LCLAT1: variants seen among roughly 807,000 people sequenced by gnomAD.
LCLAT1 encodes the protein 1-AGP acyltransferase 8.
In LCLAT1, 11 loss-of-function variants were observed where a neutral mutation model predicts 30.7. That is an observed-to-expected ratio of 0.36 (90% CI 0.23 to 0.59). The LOEUF (loss-of-function observed/expected upper bound fraction) is 0.59. Among genes scored for constraint, LCLAT1 ranks in the 20% least tolerant of loss-of-function variants. The pLI, the probability that LCLAT1 is intolerant of heterozygous loss-of-function variation, is 0.77. For synonymous variants in LCLAT1, 155 were observed against 151.3 expected (o/e 1.02, Z -0.18); for missense variants, 402 against 458.6 (o/e 0.88, Z 1.13).
chr2:30,581,186 C>T (rs910449133), intron 5 of LCLAT1, among the ~76,000 whole-genome samples: 1 of 152,174 alleles, frequency 6.6e-6, no homozygotes, highest in Admixed American at 6.5e-5. Context: ...TGGGCTCTTG[C>T]CTCTACTTAA....
At chr2:30,447,898 G>A (rs1045855249) in intron 1 of LCLAT1, among the ~76,000 whole-genome samples, 11 of 152,230 alleles carry the variant, frequency 7.2e-5, no homozygotes, top group African/African-American at 2.2e-4. Flanking sequence ...AGTCCTGCAG[G>A]CGCCAAAGGC....
At chr2:30,470,902 T>G (rs537801917) in intron 1 of LCLAT1, among the ~76,000 whole-genome samples, 1 of 151,448 alleles carries the variant, frequency 6.6e-6, no homozygotes, top group South Asian at 2.1e-4. Context: ...TTCATTTTAT[T>G]TATTTATTCA....
At position 30,533,266 on chromosome 2, in the gene LCLAT1, T is replaced by C. The variant is rs1478028945; in HGVS notation, c.316T>C (p.Leu106=). The change falls in exon 3 of 6, where the codon TTG becomes CTG. Residue 106 remains leucine, a synonymous_variant. Coordinates refer to ENST00000379509, the MANE Select transcript of LCLAT1 (RefSeq NM_001002257.3). Reference sequence around the variant, plus strand: ...CCTGATGCGATATAGCTACCTCAGATTGGAGAAAATTTGCCTCAAAGCGAG... The same window carrying C: ...CCTGATGCGATATAGCTACCTCAGACTGGAGAAAATTTGCCTCAAAGCGAG... ...NCLMRYSYLR[L]EKICLKASLK... is the part of the protein sequence containing the mutation. 1 of 1,614,130 alleles carries C rather than the reference T, an allele frequency of 6.2e-7. No individual in the cohort carries two copies.
chr2:30,453,573 C>G (rs909121250), intron 1 of LCLAT1, among the ~76,000 whole-genome samples: 2 of 152,098 alleles, frequency 1.3e-5, no homozygotes, highest in African/African-American at 2.4e-5. Context: ...TGACTAAACT[C>G]GATCATTTTT....
intron 5 of LCLAT1, among the ~76,000 whole-genome samples, chr2:30,594,376 CT>C (rs1558542031): frequency 6.6e-6 from 1 of 152,196 alleles, no homozygotes; most frequent in East Asian, 1.9e-4. Context: ...CACCTAGAGT[CT>C]CCTCCAAGCA....
intron 1 of LCLAT1, among the ~76,000 whole-genome samples, chr2:30,490,196 C>A (rs1400963489): frequency 1.4e-5 from 2 of 144,350 alleles, no homozygotes; most frequent in Admixed American, 1.4e-4. Flanking sequence ...AGGGGCTACT[C>A]TGATTTTTTT....
chr2:30,608,544 A>G (rs1667578024), intron 5 of LCLAT1, among the ~76,000 whole-genome samples: 1 of 151,934 alleles, frequency 6.6e-6, no homozygotes, highest in Non-Finnish European at 1.5e-5. Flanking sequence ...GTAGAGGTAT[A>G]CTATTTTTTA....
intron 1 of LCLAT1, among the ~76,000 whole-genome samples, chr2:30,507,616 T>A (rs1684733282): frequency 6.6e-6 from 1 of 151,810 alleles, no homozygotes; most frequent in Non-Finnish European, 1.5e-5. Context: ...TCCAGCTCCA[T>A]CCATGTTCCT....
At position 30,447,267 on chromosome 2, in the gene LCLAT1, C is replaced by T. The variant is rs1348538929; in HGVS notation, c.-121C>T. 6.6e-6 allele frequency: 1 copy of T among 152,024 alleles called. No individual in the cohort carries two copies. 9.4% of individuals were successfully genotyped at this position (152,024 alleles called of 1,614,324 possible). ...CATTACTAGGGCGACGGCCGGACGCCTCCGCGTTACGGGATGAATTAACGG... is the reference window on the plus strand; with the variant it reads ...CATTACTAGGGCGACGGCCGGACGCTTCCGCGTTACGGGATGAATTAACGG... On this transcript the variant is annotated 5_prime_UTR_variant, in exon 1 of 6. Transcript: ENST00000379509.
At chr2:30,494,933 T>G (rs1360636875) in intron 1 of LCLAT1, among the ~76,000 whole-genome samples, 1 of 151,512 alleles carries the variant, frequency 6.6e-6, no homozygotes, top group African/African-American at 2.4e-5. Flanking sequence ...TTTCACGATA[T>G]AACCATTTCA....
chr2:30,514,627 C>G (rs1025566337), intron 1 of LCLAT1, among the ~76,000 whole-genome samples: 1 of 152,012 alleles, frequency 6.6e-6, no homozygotes, highest in African/African-American at 2.4e-5. Flanking sequence ...AGTAGAGGCC[C>G]CAGAGAGGTT....
chr2:30,453,967 G>A (rs1681693883), intron 1 of LCLAT1, among the ~76,000 whole-genome samples: 1 of 152,200 alleles, frequency 6.6e-6, no homozygotes, highest in East Asian at 1.9e-4. Flanking sequence ...ACGGGGCATG[G>A]ATTTGAACCT....
chr2:30,599,474 A>G (rs944517332), intron 5 of LCLAT1, among the ~76,000 whole-genome samples: 1 of 152,194 alleles, frequency 6.6e-6, no homozygotes, highest in Non-Finnish European at 1.5e-5. Flanking sequence ...TTCTGTAGAT[A>G]TCTATCAGAT....
intron 5 of LCLAT1, among the ~76,000 whole-genome samples, chr2:30,602,465 C>G (rs1263276261): frequency 6.6e-6 from 1 of 152,152 alleles, no homozygotes; most frequent in East Asian, 1.9e-4. Flanking sequence ...TCGGTGGTCC[C>G]CACCTTACCC....
intron 1 of LCLAT1, among the ~76,000 whole-genome samples, chr2:30,460,580 T>C (rs905231844): frequency 1.3e-5 from 2 of 152,236 alleles, no homozygotes; most frequent in African/African-American, 4.8e-5. Flanking sequence ...CTGGCTTTTG[T>C]CTTCGGTTCC....
At chr2:30,556,993 G>A (rs959738193) in intron 3 of LCLAT1, among the ~76,000 whole-genome samples, 4 of 151,810 alleles carry the variant, frequency 2.6e-5, no homozygotes, top group African/African-American at 4.8e-5. Flanking sequence ...ATCCGCCTGC[G>A]TCGGCCTCCC....
chr2:30,642,558 G>C lies in LCLAT1; in HGVS notation c.*1939G>C, dbSNP rs756572179. The C allele has an allele frequency of 1.1e-4, 17 of 152,028 alleles. No homozygotes were observed. The highest frequency in any genetic ancestry group is 2.2e-4 in the Non-Finnish European group (15 of 67,986). The allele number at this position is 152,028 out of a possible 1,614,324, so 9.4% of individuals were successfully genotyped here. On this transcript the variant is annotated 3_prime_UTR_variant, in exon 6 of 6. Transcript: ENST00000379509. ...TGCATTTGTGCTGGGTAAAAGAGGA[G>C]AGCTGTGCTTTCTACCCCAAAGTTG...
chr2:30,525,371 C>T (rs969398681), intron 1 of LCLAT1, among the ~76,000 whole-genome samples: 13 of 152,124 alleles, frequency 8.5e-5, no homozygotes, highest in Non-Finnish European at 1.5e-4. Context: ...TCGCCGCACC[C>T]GACCAGAGAA....
chr2:30,526,131 TTAGA>T (rs1685707494), intron 2 of LCLAT1, among the ~76,000 whole-genome samples: 1 of 152,164 alleles, frequency 6.6e-6, no homozygotes, highest in African/African-American at 2.4e-5. Context: ...ATTGGGCTTC[TTAGA>T]TAGATAGGTT....
Sources: gnomAD v4.1 joint callset for allele counts (sites outside exome capture counted in the v4.1 genomes callset) on GRCh38, gnomAD v4.1.1 for gene constraint, MANE v1.5 for transcripts, NCBI Gene and HGNC (gene_info 2026-07-23, HGNC 2026-07-21) for gene names.